The following SNTG1 variants were observed in gnomAD, a reference collection of about 807,000 sequenced individuals.
SNTG1 encodes gamma-1-syntrophin.
Under a neutral mutation model 74.7 loss-of-function variants are expected in SNTG1, and 39 were observed. The ratio of observed to expected loss-of-function variants is 0.52; its 90% CI spans 0.40 to 0.68. The LOEUF (loss-of-function observed/expected upper bound fraction) is 0.68. Ranked by LOEUF, SNTG1 falls within the 30% of genes least tolerant of loss-of-function variation. The pLI is 0.00. For missense variants in SNTG1, 685 were observed against 609.5 expected (o/e 1.12, Z -1.30); for synonymous variants, 254 against 217.1 (o/e 1.17, Z -1.49).
intron 1 of SNTG1, among the ~76,000 whole-genome samples, chr8:50,072,972 G>A (rs1451906102): frequency 1.3e-5 from 2 of 152,192 alleles, no homozygotes; most frequent in African/African-American, 4.8e-5. Flanking sequence ...TACCAGTGGA[G>A]GGTCAGGCCT....
chr8:50,550,878 A>G (rs777438969), intron 11 of SNTG1, among the ~76,000 whole-genome samples: 54 of 152,138 alleles, frequency 3.5e-4, no homozygotes, highest in Non-Finnish European at 6.0e-4. Flanking sequence ...GCTACAAATA[A>G]AAACAAAAGC....
At chr8:50,509,267 T>A (rs908779971) in intron 9 of SNTG1, among the ~76,000 whole-genome samples, 3 of 152,192 alleles carry the variant, frequency 2.0e-5, no homozygotes, top group Non-Finnish European at 2.9e-5. Context: ...TCTGTTCTGT[T>A]CCATTGGTCT....
chr8:50,773,272 C>T (rs1043821096), intron 18 of SNTG1, among the ~76,000 whole-genome samples: 2 of 152,048 alleles, frequency 1.3e-5, no homozygotes, highest in Non-Finnish European at 2.9e-5. Flanking sequence ...AATGAGGTTC[C>T]AATGAGGGTC....
chr8:50,064,874 C>T (rs1397568700), intron 1 of SNTG1, among the ~76,000 whole-genome samples: 1 of 152,168 alleles, frequency 6.6e-6, no homozygotes, highest in Non-Finnish European at 1.5e-5. Flanking sequence ...GTCCACATCA[C>T]CATGTTTTAT....
chr8:49,974,766 TA>T (rs1241659604), intron 1 of SNTG1, among the ~76,000 whole-genome samples: 2 of 152,192 alleles, frequency 1.3e-5, no homozygotes, highest in Non-Finnish European at 2.9e-5. Flanking sequence ...GCATCTATAA[TA>T]AGTTTTATTG....
chr8:49,915,274 A>C (rs557656153), intron 1 of SNTG1, among the ~76,000 whole-genome samples: 1 of 152,292 alleles, frequency 6.6e-6, no homozygotes, highest in South Asian at 2.1e-4. Flanking sequence ...GAAAGTCGAA[A>C]TTCAATGATT....
intron 17 of SNTG1, among the ~76,000 whole-genome samples, chr8:50,743,705 T>A (rs2095548909): frequency 6.6e-6 from 1 of 150,872 alleles, no homozygotes; most frequent in African/African-American, 2.4e-5. Flanking sequence ...TGCTCACAGA[T>A]GACATAATCT....
At chr8:50,158,028 C>A in intron 1 of SNTG1, among the ~76,000 whole-genome samples, 1 of 152,082 alleles carries the variant, frequency 6.6e-6, no homozygotes, top group East Asian at 1.9e-4. Context: ...GTAAATACCT[C>A]TTCCTATCAC....
chr8:50,429,313 A>G (rs1356328008), intron 4 of SNTG1, among the ~76,000 whole-genome samples: 1 of 152,140 alleles, frequency 6.6e-6, no homozygotes, highest in Non-Finnish European at 1.5e-5. Context: ...GTGGAATAGA[A>G]TTGAGAGTTC....
intron 14 of SNTG1, among the ~76,000 whole-genome samples, chr8:50,657,299 C>T (rs955881394): frequency 2.6e-5 from 4 of 151,646 alleles, no homozygotes; most frequent in East Asian, 1.9e-4. Flanking sequence ...AATCTCATGA[C>T]GACATGGGAA....
At chr8:50,506,629 G>A (rs999650520) in intron 9 of SNTG1, among the ~76,000 whole-genome samples, 3 of 151,758 alleles carry the variant, frequency 2.0e-5, no homozygotes, top group African/African-American at 4.8e-5. Flanking sequence ...TATTGTTAAT[G>A]GATAGAAACA....
intron 15 of SNTG1, among the ~76,000 whole-genome samples, chr8:50,682,177 C>T (rs1180225104): frequency 1.3e-5 from 2 of 152,158 alleles, no homozygotes; most frequent in African/African-American, 4.8e-5. Flanking sequence ...TGAGGGCACA[C>T]ATGGACAGGG....
intron 8 of SNTG1, among the ~76,000 whole-genome samples, chr8:50,468,307 G>A (rs2093625654): frequency 6.6e-6 from 1 of 151,910 alleles, no homozygotes; most frequent in African/African-American, 2.4e-5. Flanking sequence ...ATAACATGCT[G>A]TTGTTAGATT....
chr8:49,951,331 G>T (rs1159817736), intron 1 of SNTG1, among the ~76,000 whole-genome samples: 1 of 152,122 alleles, frequency 6.6e-6, no homozygotes, highest in Non-Finnish European at 1.5e-5. Flanking sequence ...GTGGCATTTG[G>T]TTACAATATC....
chr8:50,671,768 A>G (rs1394193878), intron 15 of SNTG1, among the ~76,000 whole-genome samples: 1 of 152,002 alleles, frequency 6.6e-6, no homozygotes, highest in African/African-American at 2.4e-5. Flanking sequence ...GGCACTATTC[A>G]CAATAGCAAA....
chr8:50,525,525 G>A (rs373413814), intron 9 of SNTG1, among the ~76,000 whole-genome samples: 35 of 152,106 alleles, frequency 2.3e-4, no homozygotes, highest in African/African-American at 8.4e-4. Flanking sequence ...GCTTGATGGT[G>A]TCATATAAAT....
intron 2 of SNTG1, among the ~76,000 whole-genome samples, chr8:50,375,531 T>A (rs2092360735): frequency 6.6e-6 from 1 of 152,098 alleles, no homozygotes; most frequent in Admixed American, 6.5e-5. Flanking sequence ...GAGTAGATAC[T>A]CCAGGCAGAG....
rs556372421 is a variant in SNTG1, at chr8:50,303,118, T to C, written c.-27-91094T>C. Among the ~76,000 whole-genome samples the C allele has an allele frequency of 2.0e-4, 31 of 152,324 alleles. No homozygotes were observed. In the South Asian group the frequency reaches 3.3e-3, roughly 16 times the overall value. ...TAAACACATATTTATGTTACTACTT[T>C]GAAAATCTGTAAATACGTTAGTAGC... On this transcript the variant is annotated intron_variant, in intron 2 of 18. Coordinates refer to ENST00000642720, the MANE Select transcript of SNTG1 (RefSeq NM_018967.5).
chr8:50,475,228 A>AT (rs2093687653), intron 8 of SNTG1, among the ~76,000 whole-genome samples: 3 of 149,812 alleles, frequency 2.0e-5, no homozygotes, highest in African/African-American at 7.5e-5. Context: ...AAAGTATAAT[A>AT]ATAATAATAA....
Sources: allele counts gnomAD v4.1 joint callset (sites outside exome capture counted in the v4.1 genomes callset), GRCh38; gene constraint gnomAD v4.1.1; transcripts MANE v1.5; gene names NCBI Gene and HGNC (gene_info 2026-07-23, HGNC 2026-07-21).